The following GRM7 variants were observed in gnomAD, a reference collection of about 807,000 sequenced individuals.
The protein encoded by GRM7 is glutamate metabotropic receptor 7, also known as metabotropic glutamate receptor 7.
A neutral mutation model predicts 84.5 loss-of-function variants in GRM7; 35 were observed. The observed-to-expected ratio is 0.41, with a 90% confidence interval of 0.32 to 0.55. GRM7 has a LOEUF of 0.55. GRM7 is among the 20% of genes least tolerant of loss of function. GRM7 has a pLI of 0.19. For missense variants in GRM7, 1,003 were observed against 1,194.6 expected (o/e 0.84, Z 2.36); for synonymous variants, 487 against 455.1 (o/e 1.07, Z -0.89).
intron 1 of GRM7, among the ~76,000 whole-genome samples, chr3:7,139,228 GT>G (rs1693867660): frequency 6.6e-6 from 1 of 151,226 alleles, no homozygotes; most frequent in Non-Finnish European, 1.5e-5. Context: ...AGATTTGGAC[GT>G]TTTGTCATAT....
At position 7,146,437 on chromosome 3, in the gene GRM7, T is replaced by C. The variant is rs536266838; in HGVS notation, c.520-15T>C. On this transcript the variant is annotated splice_polypyrimidine_tract_variant and intron_variant, in intron 1 of 9. Transcript: ENST00000357716. ...TGACGGTGCACTCTCACGTGGTGCTTTCTTGTCTTTGCAGATCCCCCAGAT... is the reference window on the plus strand; with the variant it reads ...TGACGGTGCACTCTCACGTGGTGCTCTCTTGTCTTTGCAGATCCCCCAGAT... 6.3e-7 allele frequency: 1 copy of C among 1,598,804 alleles called. No homozygotes were observed. The highest frequency in any genetic ancestry group is 2.2e-5 in the East Asian group (1 of 44,796).
intron 1 of GRM7, among the ~76,000 whole-genome samples, chr3:7,022,344 A>C (rs998197325): frequency 5.3e-5 from 6 of 112,894 alleles, no homozygotes; most frequent in Non-Finnish European, 8.6e-5. Context: ...AAAATAATAA[A>C]ATATATATAT....
At chr3:7,655,814 T>C (rs1699155183) in intron 8 of GRM7, among the ~76,000 whole-genome samples, 3 of 152,266 alleles carry the variant, frequency 2.0e-5, no homozygotes, top group African/African-American at 4.8e-5. Context: ...TGAATGGAAA[T>C]CTGTTTACCC....
rs991009178 is a variant in GRM7, at chr3:7,486,669, C to T, written c.1515+24947C>T. On this transcript the variant is annotated intron_variant, in intron 7 of 9. Coordinates refer to ENST00000357716, the MANE Select transcript of GRM7 (RefSeq NM_000844.4). This position sits in a 1 kb window ranked among gnomAD's most constrained non-coding sequence, Gnocchi z 5.5. The stretch of plus-strand genomic sequence containing the variant: ...TCCCCAGAAGCAGAGCAGATGTTGG[C>T]ACCATGCTTCTTGGACTTCCCAGCC... Among the ~76,000 whole-genome samples, 1 of 152,180 alleles carries T rather than the reference C, an allele frequency of 6.6e-6. No homozygotes were observed. Among genetic ancestry groups the T allele is most frequent in the Non-Finnish European group, 1.5e-5 (1 of 68,044 alleles).
intron 2 of GRM7, among the ~76,000 whole-genome samples, chr3:7,292,907 G>A (rs943673549): frequency 3.3e-5 from 5 of 151,542 alleles, no homozygotes; most frequent in Non-Finnish European, 5.9e-5. Context: ...GGTGGTGTGT[G>A]CCTGTAATCC....
In GRM7 at chr3:7,719,805, C is replaced by G. The variant is rs4377486; in HGVS notation, c.2699-20552C>G. On this transcript the variant is annotated intron_variant, in intron 9 of 9. Coordinates refer to ENST00000357716, the MANE Select transcript of GRM7 (RefSeq NM_000844.4). Reference sequence around the variant, plus strand: ...ACACACACACACACACACACACACACACACACACACACACACACACAGAAA... The same window carrying G: ...ACACACACACACACACACACACACAGACACACACACACACACACACAGAAA... Among the ~76,000 whole-genome samples, 428 of 151,474 alleles carry G rather than the reference C, an allele frequency of 2.8e-3. 1 individual carries two copies. Among genetic ancestry groups the G allele is most frequent in the Middle Eastern group, 0.017 (5 of 294 alleles).
chr3:7,198,155 T>TAAA (rs55839391), intron 2 of GRM7, among the ~76,000 whole-genome samples: 2 of 137,658 alleles, frequency 1.5e-5, no homozygotes, highest in Non-Finnish European at 3.1e-5. Flanking sequence ...GATAAAATGT[T>TAAA]AAAAAAAAAA....
At chr3:7,163,743 A>C (rs1283106496) in intron 2 of GRM7, among the ~76,000 whole-genome samples, 2 of 152,228 alleles carry the variant, frequency 1.3e-5, no homozygotes, top group East Asian at 3.8e-4. Flanking sequence ...ATTATTCCAG[A>C]TAGAAGGAAA....
At chr3:7,063,991 C>A (rs1187044333) in intron 1 of GRM7, among the ~76,000 whole-genome samples, 2 of 151,428 alleles carry the variant, frequency 1.3e-5, no homozygotes, top group Non-Finnish European at 3.0e-5. Context: ...GTGGGATCTT[C>A]TGATCCACAC....
intron 2 of GRM7, among the ~76,000 whole-genome samples, chr3:7,253,641 C>G (rs1003838252): frequency 2.1e-5 from 3 of 143,102 alleles, no homozygotes; most frequent in African/African-American, 7.7e-5. Flanking sequence ...AAAAAAAAAT[C>G]ACTAAATTCT....
chr3:7,582,141 A>G (rs141756291), intron 8 of GRM7, among the ~76,000 whole-genome samples: 7 of 152,330 alleles, frequency 4.6e-5, no homozygotes, highest in African/African-American at 1.7e-4. Context: ...ATGTGATAAT[A>G]TACCATTATT....
chr3:7,059,002 A>G (rs1195472883), intron 1 of GRM7, among the ~76,000 whole-genome samples: 1 of 151,884 alleles, frequency 6.6e-6, no homozygotes, highest in Non-Finnish European at 1.5e-5. Flanking sequence ...AAACTGTGGG[A>G]GCTAAGAACA....
intron 1 of GRM7, among the ~76,000 whole-genome samples, chr3:7,110,085 A>G (rs1270337127): frequency 2.0e-5 from 3 of 152,114 alleles, no homozygotes; most frequent in African/African-American, 4.8e-5. Flanking sequence ...TCAAAATACA[A>G]TTTCATTATT....
chr3:7,392,321 C>T (rs1337111616), intron 4 of GRM7, among the ~76,000 whole-genome samples: 1 of 152,230 alleles, frequency 6.6e-6, no homozygotes, highest in Non-Finnish European at 1.5e-5. Flanking sequence ...CACTCTAGTC[C>T]TGAGACAGGG....
chr3:7,707,307 T>C lies in GRM7; in HGVS notation c.2698+27012T>C, dbSNP rs532053025. ...ATTTCAGCATTTTAACCTTTCTCCA[T>C]AGTCTGAGTTTCTTGGTTTAGTCAT... On this transcript the variant is annotated intron_variant, in intron 9 of 9. Coordinates refer to ENST00000357716, the MANE Select transcript of GRM7 (RefSeq NM_000844.4). Among the ~76,000 whole-genome samples, 4 of 152,304 alleles carry C rather than the reference T, an allele frequency of 2.6e-5. No individual in the cohort carries two copies. In the South Asian group the frequency reaches 6.2e-4, roughly 24 times the overall value.
intron 1 of GRM7, among the ~76,000 whole-genome samples, chr3:7,080,817 G>A (rs1224516678): frequency 2.0e-5 from 3 of 151,690 alleles, no homozygotes; most frequent in African/African-American, 7.3e-5. Context: ...TATAAATAAG[G>A]ACTTTTTAAA....
At chr3:7,314,275 C>T (rs906418161) in intron 4 of GRM7, among the ~76,000 whole-genome samples, 2 of 152,272 alleles carry the variant, frequency 1.3e-5, no homozygotes, top group East Asian at 3.9e-4. Context: ...AACTTTCTCC[C>T]TAAGTTATCG....
chr3:7,331,818 A>G (rs1192074249), intron 4 of GRM7, among the ~76,000 whole-genome samples: 2 of 152,322 alleles, frequency 1.3e-5, no homozygotes, highest in African/African-American at 2.4e-5. Context: ...GGGCTCTACC[A>G]TTATTAAAGA....
At chr3:7,469,823 G>T (rs942818336) in intron 7 of GRM7, among the ~76,000 whole-genome samples, 2 of 152,080 alleles carry the variant, frequency 1.3e-5, no homozygotes, top group East Asian at 3.8e-4. Context: ...CTGTTATTTT[G>T]ATTTGTAAAT....
Sources: gnomAD v4.1 joint callset for allele counts (sites outside exome capture counted in the v4.1 genomes callset) on GRCh38, gnomAD v4.1.1 for gene constraint, Gnocchi (gnomAD v3.1) non-coding constraint, MANE v1.5 for transcripts, NCBI Gene and HGNC (gene_info 2026-07-23, HGNC 2026-07-21) for gene names.